Variants in TMC1 observed in about 807,000 individuals in gnomAD.
The protein encoded by TMC1 is transmembrane channel-like protein 1.
A neutral mutation model predicts 105.8 loss-of-function variants in TMC1; 84 were observed. The ratio of observed to expected loss-of-function variants is 0.79; its 90% CI spans 0.67 to 0.95. TMC1 has a LOEUF of 0.95. Among genes scored for constraint, TMC1 ranks in the 40% least tolerant of loss-of-function variants. The probability of loss-of-function intolerance (pLI) is 0.00; values close to 1 mark genes in which losing one functional copy is unlikely to be tolerated. For missense variants in TMC1, 817 were observed against 914.1 expected (o/e 0.89, Z 1.37); for synonymous variants, 315 against 311.5 (o/e 1.01, Z -0.12).
At chr9:72,786,212 G>A (rs1374916031) in intron 13 of TMC1, among the ~76,000 whole-genome samples, 5 of 152,186 alleles carry the variant, frequency 3.3e-5, no homozygotes, top group Admixed American at 3.3e-4. Context: ...TTGGGAGGCC[G>A]AGGTGGGTGG....
At chr9:72,534,856 T>C (rs775346461) in intron 1 of TMC1, among the ~76,000 whole-genome samples, 14 of 152,210 alleles carry the variant, frequency 9.2e-5, no homozygotes, top group Non-Finnish European at 8.8e-5. Flanking sequence ...AATAATGTAG[T>C]TGGCAGCCTG....
chr9:72,723,065 C>G (rs766848072), intron 8 of TMC1, among the ~76,000 whole-genome samples: 1 of 152,030 alleles, frequency 6.6e-6, no homozygotes, highest in Non-Finnish European at 1.5e-5. Flanking sequence ...CTATGAAATG[C>G]TTGAATTAGA....
intron 12 of TMC1, among the ~76,000 whole-genome samples, chr9:72,766,614 G>A (rs113142891): frequency 1.3e-5 from 2 of 152,132 alleles, no homozygotes; most frequent in African/African-American, 4.8e-5. Flanking sequence ...GGAGGCAGGG[G>A]GACAAGAGTA....
At chr9:72,733,665 T>C (rs1827251483) in intron 8 of TMC1, among the ~76,000 whole-genome samples, 1 of 152,164 alleles carries the variant, frequency 6.6e-6, no homozygotes, top group Non-Finnish European at 1.5e-5. Context: ...ATATTCCTGT[T>C]TATGTCTTCC....
intron 2 of TMC1, among the ~76,000 whole-genome samples, chr9:72,598,440 T>A (rs1454490218): frequency 6.9e-6 from 1 of 145,300 alleles, no homozygotes; most frequent in African/African-American, 2.5e-5. Context: ...TCAAAGTAAG[T>A]TTTTTTTTTT....
chr9:72,612,444 G>A (rs1825045546), intron 2 of TMC1, among the ~76,000 whole-genome samples: 1 of 151,688 alleles, frequency 6.6e-6, no homozygotes, highest in Admixed American at 6.6e-5. Flanking sequence ...AAAATGCTGA[G>A]ATTACAGACA....
intron 8 of TMC1, among the ~76,000 whole-genome samples, chr9:72,708,244 T>C (rs1182021241): frequency 1.3e-5 from 2 of 152,178 alleles, no homozygotes; most frequent in Admixed American, 1.3e-4. Flanking sequence ...TTTGGCTATG[T>C]GGCCTCTTTT....
intron 13 of TMC1, among the ~76,000 whole-genome samples, chr9:72,773,218 T>C (rs1827957370): frequency 6.6e-6 from 1 of 152,192 alleles, no homozygotes; most frequent in Admixed American, 6.5e-5. Flanking sequence ...TTTGGGTTTA[T>C]ATATTAAAAA....
intron 3 of TMC1, among the ~76,000 whole-genome samples, chr9:72,619,299 A>T (rs1319201423): frequency 1.3e-5 from 2 of 152,224 alleles, no homozygotes; most frequent in African/African-American, 4.8e-5. Context: ...GAAATATTAG[A>T]CACAACTTAA....
At chr9:72,608,461 C>T (rs1038465043) in intron 2 of TMC1, among the ~76,000 whole-genome samples, 2 of 152,100 alleles carry the variant, frequency 1.3e-5, no homozygotes, top group African/African-American at 4.8e-5. Context: ...AATCCCAGCA[C>T]TTTGGGAGGC....
In TMC1 at chr9:72,603,613, G is replaced by A. The variant is rs12347041; in HGVS notation, c.-305-12755G>A. On this transcript the variant is annotated intron_variant, in intron 2 of 23. Transcript: ENST00000297784. ...CTTGCTCTGTTGCCCACAGTGGCGC[G>A]ATTTCAGCTCACTGCAACCTCTGCC... Among the ~76,000 whole-genome samples the A allele has an allele frequency of 9.7e-4, 147 of 152,170 alleles. 1 individual carries two copies. Among genetic ancestry groups the A allele is most frequent in the African/African-American group, 3.2e-3 (132 of 41,514 alleles).
intron 4 of TMC1, among the ~76,000 whole-genome samples, chr9:72,632,821 C>T (rs1461475182): frequency 6.6e-6 from 1 of 151,866 alleles, no homozygotes; most frequent in Non-Finnish European, 1.5e-5. Flanking sequence ...ATAAAGAAAC[C>T]AAAATTAAAC....
chr9:72,798,999 C>A (rs1828423328), intron 17 of TMC1, among the ~76,000 whole-genome samples: 1 of 151,918 alleles, frequency 6.6e-6, no homozygotes, highest in African/African-American at 2.4e-5. Flanking sequence ...ACTAGCCATA[C>A]CTTACCAGAG....
At chr9:72,798,799 A>G (rs1013439127) in intron 17 of TMC1, among the ~76,000 whole-genome samples, 5 of 152,102 alleles carry the variant, frequency 3.3e-5, no homozygotes, top group African/African-American at 9.7e-5. Context: ...AAATTTACCT[A>G]TGTAACAAAG....
At chr9:72,760,292 T>C (rs904448216) in intron 12 of TMC1, among the ~76,000 whole-genome samples, 1 of 152,192 alleles carries the variant, frequency 6.6e-6, no homozygotes, top group East Asian at 1.9e-4. Flanking sequence ...GTGCTCACTC[T>C]GTATTGTCAG....
At chr9:72,611,876 A>T (rs1038362618) in intron 2 of TMC1, among the ~76,000 whole-genome samples, 1 of 151,998 alleles carries the variant, frequency 6.6e-6, no homozygotes, top group Non-Finnish European at 1.5e-5. Context: ...TGCTTTGACC[A>T]GTTTTGTATA....
intron 18 of TMC1, among the ~76,000 whole-genome samples, chr9:72,814,287 G>A (rs2118276970): frequency 6.6e-6 from 1 of 152,256 alleles, no homozygotes; most frequent in Non-Finnish European, 1.5e-5. Context: ...AGGGCTCCAG[G>A]GGAAAAGTGC....
intron 4 of TMC1, among the ~76,000 whole-genome samples, chr9:72,630,270 A>G (rs1477373881): frequency 6.6e-6 from 1 of 152,224 alleles, no homozygotes; most frequent in Non-Finnish European, 1.5e-5. Flanking sequence ...TGTTATTGGT[A>G]ATTAAAATTT....
chr9:72,641,759 C>T (rs889632257), intron 4 of TMC1, among the ~76,000 whole-genome samples: 2 of 151,410 alleles, frequency 1.3e-5, no homozygotes, highest in African/African-American at 2.4e-5. Flanking sequence ...ATATGTGAGC[C>T]ACTGTGTTCA....
Sources: gnomAD v4.1 joint callset for allele counts (sites outside exome capture counted in the v4.1 genomes callset) on GRCh38, gnomAD v4.1.1 for gene constraint, MANE v1.5 for transcripts, NCBI Gene and HGNC (gene_info 2026-07-23, HGNC 2026-07-21) for gene names.